AHCYL2: variants seen among roughly 807,000 people sequenced by gnomAD.
AHCYL2 encodes adenosylhomocysteinase like 2.
A neutral mutation model predicts 81.4 loss-of-function variants in AHCYL2; 28 were observed. That is an observed-to-expected ratio of 0.34 (90% CI 0.25 to 0.47). AHCYL2 has a LOEUF of 0.47. AHCYL2 is among the 20% of genes least tolerant of loss of function. The pLI, the probability that AHCYL2 is intolerant of heterozygous loss-of-function variation, is 1.00. For missense variants in AHCYL2, 551 were observed against 785.1 expected, an observed-to-expected ratio of 0.70 and a Z score of 3.56; for synonymous variants, 272 against 290.2, an observed-to-expected ratio of 0.94 and a Z score of 0.64.
chr7:129,332,381 GAAGTTGCATGT>G (rs2150804788), intron 1 of AHCYL2, among the ~76,000 whole-genome samples: 1 of 152,318 alleles, frequency 6.6e-6, no homozygotes. Flanking sequence ...ATTCACTCCT[GAAGTTGCATGT>G]AATTGCCTCT....
At chr7:129,391,562 T>C (rs1286277435) in intron 4 of AHCYL2, among the ~76,000 whole-genome samples, 3 of 152,182 alleles carry the variant, frequency 2.0e-5, no homozygotes. Context: ...ATTTTCTAGA[T>C]CTCCTCTTTT....
At chr7:129,286,344 G>A (rs994407303) in intron 1 of AHCYL2, among the ~76,000 whole-genome samples, 2 of 151,874 alleles carry the variant, frequency 1.3e-5, no homozygotes, top group Admixed American at 6.6e-5. Flanking sequence ...TCTGCCTCCC[G>A]GTTTCAAGCT....
intron 1 of AHCYL2, among the ~76,000 whole-genome samples, chr7:129,316,460 G>A (rs1185202043): frequency 1.3e-5 from 2 of 152,164 alleles, no homozygotes; most frequent in Non-Finnish European, 2.9e-5. Context: ...TAGTTTTTGG[G>A]TGATTCGGGT....
rs1797349061 is a variant in AHCYL2, at chr7:129,304,300, C to T, written c.364-75338C>T. 3.3e-5 allele frequency among the ~76,000 whole-genome samples: 5 copies of T among 152,302 alleles called. No individual in the cohort carries two copies. The South Asian group carries it at 1.0e-3, about 32-fold the overall frequency. On this transcript the variant is annotated intron_variant, in intron 1 of 16. Coordinates refer to ENST00000325006, the MANE Select transcript of AHCYL2 (RefSeq NM_015328.4). ...TTTTAAGACTTGTCTTGTGACCTAACATATAATCTGTCCTTGAGAATGATC... is the reference window on the plus strand; with the variant it reads ...TTTTAAGACTTGTCTTGTGACCTAATATATAATCTGTCCTTGAGAATGATC...
At chr7:129,248,202 G>A (rs569531040) in intron 1 of AHCYL2, among the ~76,000 whole-genome samples, 12 of 152,296 alleles carry the variant, frequency 7.9e-5, no homozygotes, top group South Asian at 4.1e-4. Flanking sequence ...TGATCAGCTT[G>A]TCTGTCTTGA....
intron 7 of AHCYL2, 29 bp downstream of exon 7, chr7:129,403,514 T>A (rs1350257917): frequency 1.4e-6 from 2 of 1,481,446 alleles, no homozygotes; most frequent in Admixed American, 1.9e-5. Context: ...ATACCTGGTT[T>A]TATGCAGTCT....
intron 1 of AHCYL2, among the ~76,000 whole-genome samples, chr7:129,365,761 C>A (rs935101656): frequency 6.6e-6 from 1 of 151,354 alleles, no homozygotes; most frequent in African/African-American, 2.4e-5. Context: ...AAATAATATC[C>A]AAGTGATTGT....
intron 1 of AHCYL2, among the ~76,000 whole-genome samples, chr7:129,241,400 G>A (rs1794847745): frequency 6.6e-6 from 1 of 152,120 alleles, no homozygotes; most frequent in Admixed American, 6.5e-5. Context: ...AGACCAGCCT[G>A]GCCAACATGG....
chr7:129,234,140 T>C (rs903424561), intron 1 of AHCYL2, among the ~76,000 whole-genome samples: 4 of 152,122 alleles, frequency 2.6e-5, no homozygotes, highest in African/African-American at 7.2e-5. Flanking sequence ...ACCCTCAACC[T>C]CCTGAGCTCA....
chr7:129,420,482 T>G (rs1797062076), intron 12 of AHCYL2, among the ~76,000 whole-genome samples: 1 of 150,414 alleles, frequency 6.6e-6, no homozygotes, highest in Admixed American at 6.6e-5. Context: ...AAATTCTTTT[T>G]TTTTTTTTTT....
chr7:129,321,743 G>GTTTTTTTTTTTTTTTTTTTT, intron 1 of AHCYL2, among the ~76,000 whole-genome samples: 33 of 77,580 alleles, frequency 4.3e-4, no homozygotes, highest in Non-Finnish European at 5.8e-4. Context: ...TTCTTTCTTT[G>GTTTTTTTTTTTTTTTTTTTT]TTTTTTTTTT....
intron 1 of AHCYL2, among the ~76,000 whole-genome samples, chr7:129,341,253 T>G (rs939766446): frequency 1.1e-4 from 16 of 152,194 alleles, no homozygotes; most frequent in African/African-American, 3.6e-4. Context: ...ACATTGAGCT[T>G]CTAGGGGTAG....
chr7:129,376,214 G>A (rs1794681535), intron 1 of AHCYL2, among the ~76,000 whole-genome samples: 1 of 152,122 alleles, frequency 6.6e-6, no homozygotes, highest in Admixed American at 6.5e-5. Context: ...ATTGGGGTGG[G>A]CAGATTACAA....
In AHCYL2 at chr7:129,368,115, A is replaced by G. The variant is rs894208740; in HGVS notation, c.364-11523A>G. Reference sequence around the variant, plus strand: ...GGGAGAGAATTCACAAGTGCCTCACACACAGGGAAAGAAGGAAGTCCAACT... The same window carrying G: ...GGGAGAGAATTCACAAGTGCCTCACGCACAGGGAAAGAAGGAAGTCCAACT... On this transcript the variant is annotated intron_variant, in intron 1 of 16. Coordinates refer to ENST00000325006, the MANE Select transcript of AHCYL2 (RefSeq NM_015328.4). This position sits in a 1 kb window ranked among gnomAD's most constrained non-coding sequence, Gnocchi z 4.4. 2.5e-5 allele frequency: 26 copies of G among 1,026,278 alleles called. No homozygotes were observed. In the Admixed American group the frequency reaches 6.4e-4, roughly 25 times the overall value. 63.6% of individuals were successfully genotyped at this position (1,026,278 alleles called of 1,614,324 possible).
chr7:129,249,800 C>T (rs926332496), intron 1 of AHCYL2, among the ~76,000 whole-genome samples: 7 of 152,170 alleles, frequency 4.6e-5, no homozygotes, highest in African/African-American at 1.7e-4. Flanking sequence ...ATGAATTTGC[C>T]TATTCTGGGT....
At chr7:129,326,344 T>C (rs1250259227) in intron 1 of AHCYL2, among the ~76,000 whole-genome samples, 2 of 152,014 alleles carry the variant, frequency 1.3e-5, no homozygotes, top group African/African-American at 4.8e-5. Flanking sequence ...CTGGCCAACA[T>C]GGTAAAACCC....
chr7:129,256,546 C>CA (rs2150709930), intron 1 of AHCYL2, among the ~76,000 whole-genome samples: 1 of 25,736 alleles, frequency 3.9e-5, no homozygotes, highest in Non-Finnish European at 1.4e-4. Context: ...CCCCCCACCC[C>CA]CCACCCCCCC....
At chr7:129,370,982 T>C (rs1443902815) in intron 1 of AHCYL2, among the ~76,000 whole-genome samples, 1 of 152,202 alleles carries the variant, frequency 6.6e-6, no homozygotes, top group Non-Finnish European at 1.5e-5. Context: ...AAGTACTTCA[T>C]TAGGTTGCTA....
intron 1 of AHCYL2, among the ~76,000 whole-genome samples, chr7:129,259,684 T>C (rs528692661): frequency 6.6e-6 from 1 of 152,358 alleles, no homozygotes; most frequent in South Asian, 2.1e-4. Context: ...ACCTCAGTTT[T>C]TCTCTTTGTA....
Sources: gnomAD v4.1 joint callset for allele counts (sites outside exome capture counted in the v4.1 genomes callset) on GRCh38, gnomAD v4.1.1 for gene constraint, Gnocchi (gnomAD v3.1) non-coding constraint, MANE v1.5 for transcripts, NCBI Gene and HGNC (gene_info 2026-07-23, HGNC 2026-07-21) for gene names.